TMEM117: variants seen among roughly 807,000 people sequenced by gnomAD.
TMEM117 encodes the protein transmembrane protein 117.
TMEM117 carries 27 observed loss-of-function variants against 52.4 expected under a neutral mutation model. The ratio of observed to expected loss-of-function variants is 0.51; its 90% CI spans 0.38 to 0.71. TMEM117 has a LOEUF of 0.71. Ranked by LOEUF, TMEM117 falls within the 30% of genes least tolerant of loss-of-function variation. TMEM117 has a pLI of 0.00. For missense variants in TMEM117, 556 were observed against 630.5 expected (o/e 0.88, Z 1.26); for synonymous variants, 215 against 206.3 (o/e 1.04, Z -0.36).
chr12:43,948,711 C>T (rs1945173693), intron 3 of TMEM117, among the ~76,000 whole-genome samples: 1 of 151,948 alleles, frequency 6.6e-6, no homozygotes, highest in South Asian at 2.1e-4. Flanking sequence ...TTTTTTTTTA[C>T]AAGGTGGCAG....
intron 1 of TMEM117, among the ~76,000 whole-genome samples, chr12:43,842,117 GT>G (rs1464031285): frequency 6.6e-6 from 1 of 152,088 alleles, no homozygotes; most frequent in African/African-American, 2.4e-5. Context: ...GTGAAATCGA[GT>G]TCAAAACCAA....
At chr12:43,851,985 G>A (rs904465870) in intron 2 of TMEM117, among the ~76,000 whole-genome samples, 1 of 152,168 alleles carries the variant, frequency 6.6e-6, no homozygotes, top group East Asian at 1.9e-4. Flanking sequence ...TAAAGCAAAC[G>A]TTCATCAAAG....
chr12:44,028,075 C>T (rs1012314710), intron 3 of TMEM117, among the ~76,000 whole-genome samples: 1 of 152,164 alleles, frequency 6.6e-6, no homozygotes, highest in Non-Finnish European at 1.5e-5. Context: ...CACCTGTAGT[C>T]CCAGCTACTC....
the TMEM117 span, among the ~76,000 whole-genome samples, chr12:43,796,209 G>A: frequency 2.6e-5 from 4 of 152,116 alleles, no homozygotes; most frequent in Non-Finnish European, 5.9e-5. Flanking sequence ...ATATGACAGA[G>A]ATTATATGTG....
At chr12:44,381,063 C>G (rs893208226) in intron 7 of TMEM117, among the ~76,000 whole-genome samples, 1 of 152,146 alleles carries the variant, frequency 6.6e-6, no homozygotes, top group East Asian at 1.9e-4. Context: ...TGAATTGTTG[C>G]ATCTGTTTAG....
chr12:44,324,956 C>T (rs186429068), intron 6 of TMEM117, among the ~76,000 whole-genome samples: 3 of 152,186 alleles, frequency 2.0e-5, no homozygotes, highest in East Asian at 3.9e-4. Context: ...AACATTATGA[C>T]TTATAATAAG....
intron 3 of TMEM117, among the ~76,000 whole-genome samples, chr12:43,969,122 G>C (rs544840928): frequency 6.6e-6 from 1 of 152,108 alleles, no homozygotes; most frequent in South Asian, 2.1e-4. Flanking sequence ...ACAGAATGAA[G>C]TAGAAAATGC....
At position 44,174,242 on chromosome 12, in the gene TMEM117, C is replaced by T. The variant is rs188756232; in HGVS notation, c.510+30618C>T. On this transcript the variant is annotated intron_variant, in intron 4 of 7. Transcript: ENST00000266534. ...GATCAGAGAACTATGACCCTTGGGC[C>T]ATATCCAGCCTACCATTGTTTTTTG... Among the ~76,000 whole-genome samples the T allele has an allele frequency of 3.9e-5, 6 of 152,222 alleles. No individual in the cohort carries two copies. In the East Asian group the frequency reaches 1.2e-3, roughly 29 times the overall value.
At chr12:44,218,307 T>G (rs1453201124) in intron 5 of TMEM117, among the ~76,000 whole-genome samples, 1 of 152,118 alleles carries the variant, frequency 6.6e-6, no homozygotes, top group Non-Finnish European at 1.5e-5. Context: ...GGGATTTATC[T>G]CTGGGATATA....
chr12:43,839,296 T>C (rs1282049150), intron 1 of TMEM117, among the ~76,000 whole-genome samples: 1 of 152,176 alleles, frequency 6.6e-6, no homozygotes, highest in Non-Finnish European at 1.5e-5. Flanking sequence ...CCTCCTCTGC[T>C]TCCTGTCCCA....
chr12:44,366,597 C>T (rs576122916), intron 6 of TMEM117, among the ~76,000 whole-genome samples: 1 of 152,186 alleles, frequency 6.6e-6, no homozygotes, highest in African/African-American at 2.4e-5. Context: ...TGCTCTTGAC[C>T]TAACCCTCAT....
intron 4 of TMEM117, among the ~76,000 whole-genome samples, chr12:44,192,506 G>A (rs1949367986): frequency 6.6e-6 from 1 of 152,198 alleles, no homozygotes; most frequent in Non-Finnish European, 1.5e-5. Context: ...AAACTGGGGT[G>A]ACACTGAATG....
intron 4 of TMEM117, among the ~76,000 whole-genome samples, chr12:44,189,538 G>A (rs1949324283): frequency 6.6e-6 from 1 of 152,134 alleles, no homozygotes; most frequent in Admixed American, 6.6e-5. Flanking sequence ...CTTGTTATGT[G>A]CAAAAGGAGA....
chr12:44,259,087 G>C (rs1950292754), intron 5 of TMEM117, among the ~76,000 whole-genome samples: 1 of 152,056 alleles, frequency 6.6e-6, no homozygotes, highest in African/African-American at 2.4e-5. Flanking sequence ...TCATATTAGT[G>C]TTCTGTTATC....
intron 3 of TMEM117, among the ~76,000 whole-genome samples, chr12:44,114,283 A>T (rs1198508948): frequency 6.6e-6 from 1 of 151,792 alleles, no homozygotes; most frequent in African/African-American, 2.4e-5. Flanking sequence ...AAAAATGACA[A>T]CTTTTTACTC....
At chr12:44,215,240 T>C (rs1949700576) in intron 5 of TMEM117, among the ~76,000 whole-genome samples, 1 of 152,230 alleles carries the variant, frequency 6.6e-6, no homozygotes, top group South Asian at 2.1e-4. Context: ...TTGTAGCTGC[T>C]TTAACTCACA....
intron 3 of TMEM117, among the ~76,000 whole-genome samples, chr12:44,030,040 A>G (rs1379833174): frequency 6.6e-6 from 1 of 152,234 alleles, no homozygotes; most frequent in Non-Finnish European, 1.5e-5. Flanking sequence ...TGTGTGTGAT[A>G]TAAAAGAGCT....
intron 2 of TMEM117, among the ~76,000 whole-genome samples, chr12:43,916,394 C>T (rs1233915954): frequency 6.6e-6 from 1 of 152,124 alleles, no homozygotes; most frequent in Non-Finnish European, 1.5e-5. Flanking sequence ...AACATTTTGG[C>T]AGTTTTCTTA....
At chr12:44,326,733 T>C (rs1339710044) in intron 6 of TMEM117, among the ~76,000 whole-genome samples, 1 of 152,222 alleles carries the variant, frequency 6.6e-6, no homozygotes, top group Non-Finnish European at 1.5e-5. Flanking sequence ...AAACATTCAA[T>C]GTCCTATGAG....
Sources: allele counts gnomAD v4.1 joint callset (sites outside exome capture counted in the v4.1 genomes callset), GRCh38; gene constraint gnomAD v4.1.1; transcripts MANE v1.5; gene names NCBI Gene and HGNC (gene_info 2026-07-23, HGNC 2026-07-21).